The following CBR4 variants were observed in gnomAD, a reference collection of about 807,000 sequenced individuals.
The protein encoded by CBR4 is 3-oxoacyl-[acyl-carrier-protein] reductase.
A neutral mutation model predicts 21.0 loss-of-function variants in CBR4; 22 were observed. The observed-to-expected ratio is 1.05, with a 90% CI of 0.75 to 1.50. CBR4 has a LOEUF of 1.50. Among genes scored for constraint, CBR4 ranks in the 40% most tolerant of loss-of-function variants. The probability of loss-of-function intolerance (pLI) is 0.00; values close to 1 mark genes in which losing one functional copy is unlikely to be tolerated. For synonymous variants in CBR4, 100 were observed against 104.4 expected (o/e 0.96, Z 0.26); for missense variants, 302 against 286.3 (o/e 1.05, Z -0.40).
At chr4:168,957,714 C>G (rs1413091842) in intron 2 of CBR4, among the ~76,000 whole-genome samples, 1 of 152,152 alleles carries the variant, frequency 6.6e-6, no homozygotes, top group African/African-American at 2.4e-5. Flanking sequence ...TGACTGGAAT[C>G]ACGCAATATG....
chr4:168,911,854 T>C (rs1044604332), intron 2 of CBR4, among the ~76,000 whole-genome samples: 2 of 152,206 alleles, frequency 1.3e-5, no homozygotes, highest in Admixed American at 6.5e-5. Context: ...ATGACCTCAA[T>C]AGCAAACACC....
downstream of CBR4, among the ~76,000 whole-genome samples, chr4:168,983,100 C>T (rs1241453184): frequency 6.6e-6 from 1 of 151,936 alleles, no homozygotes; most frequent in Non-Finnish European, 1.5e-5. Context: ...ATGAGAAAAA[C>T]CATACAAAAG....
chr4:168,957,482 A>G (rs33922010), intron 2 of CBR4, among the ~76,000 whole-genome samples: 15,072 of 152,146 alleles, frequency 0.099, 923 homozygotes, highest in South Asian at 0.15. Context: ...GTTTTTACCA[A>G]CTTAACTGAG....
chr4:168,915,733 A>G (rs1759953032), intron 2 of CBR4, among the ~76,000 whole-genome samples: 1 of 152,176 alleles, frequency 6.6e-6, no homozygotes, highest in Non-Finnish European at 1.5e-5. Flanking sequence ...AAACTAAACA[A>G]GAGTTTGCTT....
chr4:168,995,308 T>C (rs1444782017), intron 4 of CBR4, among the ~76,000 whole-genome samples: 1 of 152,176 alleles, frequency 6.6e-6, no homozygotes, highest in Non-Finnish European at 1.5e-5. Context: ...ATGTTAGTTC[T>C]GATATGTTTG....
At chr4:168,895,406 A>G (rs931103429) in intron 2 of CBR4, among the ~76,000 whole-genome samples, 1 of 152,198 alleles carries the variant, frequency 6.6e-6, no homozygotes, top group Non-Finnish European at 1.5e-5. Context: ...CTAAAAACAC[A>G]TATACGACTT....
Position 168,940,635 on chromosome 4 carries a change from A to C in CBR4, n.170-45870T>G, listed in dbSNP as rs184197015. 3.1e-3 allele frequency among the ~76,000 whole-genome samples: 472 copies of C among 152,362 alleles called. 2 individuals are homozygous for C. The highest frequency in any genetic ancestry group is 0.011 in the African/African-American group (438 of 41,584). ...AAAAGTGGGTGAAGAATATGAACAG[A>C]CACTTCTCAAAAGAAGACATTTATG... On this transcript the variant is annotated intron_variant and non_coding_transcript_variant, in intron 2 of 3. Coordinates refer to the CBR4 transcript ENST00000509108.
At chr4:169,001,906 T>A in intron 4 of CBR4, 165 bp downstream of exon 4, 1 of 529,246 alleles carries the variant, frequency 1.9e-6, no homozygotes, top group East Asian at 3.3e-5. Context: ...ATATAGAATA[T>A]GAGGTACAAA....
At chr4:168,904,683 A>G (rs1395676688) in intron 2 of CBR4, among the ~76,000 whole-genome samples, 4 of 152,220 alleles carry the variant, frequency 2.6e-5, no homozygotes, top group Non-Finnish European at 4.4e-5. Flanking sequence ...AAAAAGAAAA[A>G]AAAAGGCATG....
intron 2 of CBR4, among the ~76,000 whole-genome samples, chr4:168,905,058 C>T (rs1757348824): frequency 2.0e-5 from 3 of 149,220 alleles, no homozygotes; most frequent in Admixed American, 6.7e-5. Context: ...ACCTGGGATG[C>T]GGAGGTTTCA....
At chr4:168,928,316 A>G (rs778721783) in intron 2 of CBR4, 1 of 108,740 alleles carries the variant, frequency 9.2e-6, no homozygotes, top group Non-Finnish European at 2.0e-5. Context: ...CCACCTTTAT[A>G]TTGTATTTAT....
intron 3 of CBR4, among the ~76,000 whole-genome samples, chr4:169,004,354 A>T (rs1730718267): frequency 6.6e-6 from 1 of 152,244 alleles, no homozygotes; most frequent in African/African-American, 2.4e-5. Context: ...AAACAATTGG[A>T]TAAGACAAAA....
At chr4:169,007,852 T>G in intron 1 of CBR4, 96 bp from the exon 2 acceptor site, 6 of 801,196 alleles carry the variant, frequency 7.5e-6, no homozygotes, top group African/African-American at 1.8e-5. Flanking sequence ...GGCAGGCCTG[T>G]GCTAATCTAG....
chr4:168,918,380 T>G (rs1760703408), intron 2 of CBR4, among the ~76,000 whole-genome samples: 1 of 151,826 alleles, frequency 6.6e-6, no homozygotes, highest in Non-Finnish European at 1.5e-5. Flanking sequence ...ATCCTGTCAT[T>G]GTGACAACAT....
chr4:168,974,214 G>A (rs1316201389), intron 2 of CBR4, among the ~76,000 whole-genome samples: 1 of 152,156 alleles, frequency 6.6e-6, no homozygotes. Flanking sequence ...ATTCTTGGCT[G>A]AAGAGAGGCT....
chr4:168,915,923 G>A lies in CBR4; in HGVS notation n.170-21158C>T. On this transcript the variant is annotated intron_variant and non_coding_transcript_variant, in intron 2 of 3. Transcript: ENST00000509108. Reference sequence around the variant, plus strand: ...TCGTTCTAGATCAAGGGACAGTGGAGACGAAAATGAACCAATTCAGGAGCG... The same window carrying A: ...TCGTTCTAGATCAAGGGACAGTGGAAACGAAAATGAACCAATTCAGGAGCG... The A allele has an allele frequency of 6.2e-7, 1 of 1,613,186 alleles. No individual in the cohort carries two copies. The highest frequency in any genetic ancestry group is 1.1e-5 in the South Asian group (1 of 91,070).
intron 2 of CBR4, among the ~76,000 whole-genome samples, chr4:168,905,309 G>A (rs996721609): frequency 2.7e-5 from 4 of 150,556 alleles, no homozygotes; most frequent in African/African-American, 4.9e-5. Flanking sequence ...CACCATGCCC[G>A]GCTAATTTTT....
chr4:168,903,947 T>G, intron 2 of CBR4: 1 of 1,561,408 alleles, frequency 6.4e-7, no homozygotes, highest in South Asian at 1.1e-5. Flanking sequence ...CTGTGTCTAG[T>G]GCTTACAGGC....
chr4:168,992,507 AAATG>A (rs1764973977), intron 4 of CBR4, among the ~76,000 whole-genome samples: 1 of 152,222 alleles, frequency 6.6e-6, no homozygotes, highest in African/African-American at 2.4e-5. Flanking sequence ...TTATACAAAT[AAATG>A]AATAAGATAA....
Sources: allele counts gnomAD v4.1 joint callset (sites outside exome capture counted in the v4.1 genomes callset), GRCh38; gene constraint gnomAD v4.1.1; transcripts MANE v1.5; gene names NCBI Gene and HGNC (gene_info 2026-07-23, HGNC 2026-07-21).